The following PSMD12 variants were observed in gnomAD, a reference collection of about 807,000 sequenced individuals.
PSMD12 encodes the protein proteasome 26S subunit, non-ATPase 12, also known as 26S proteasome non-ATPase regulatory subunit 12.
Under a neutral mutation model 62.9 loss-of-function variants are expected in PSMD12, and 8 were observed. The observed-to-expected ratio is 0.13, with a 90% CI of 0.07 to 0.23. The LOEUF (loss-of-function observed/expected upper bound fraction) is 0.23. Among genes scored for constraint, PSMD12 ranks in the 10% least tolerant of loss-of-function variants. PSMD12 has a pLI of 1.00. For synonymous variants in PSMD12, 173 were observed against 187.4 expected, an observed-to-expected ratio of 0.92 and a Z score of 0.63; for missense variants, 424 against 550.2, an observed-to-expected ratio of 0.77 and a Z score of 2.29.
chr17:67,353,521 G>C (rs1044132222), intron 3 of PSMD12, among the ~76,000 whole-genome samples: 3 of 152,042 alleles, frequency 2.0e-5, no homozygotes, highest in African/African-American at 7.2e-5. Flanking sequence ...TGCCCAGGTT[G>C]GTCTTAAACT....
intron 1 of PSMD12, 88 bp from the exon 2 acceptor site, chr17:67,357,666 GAA>G: frequency 7.4e-7 from 1 of 1,358,238 alleles, no homozygotes; most frequent in South Asian, 1.2e-5. Context: ...CACAGAAAAG[GAA>G]AAATCAACAG....
At chr17:67,346,964 G>A (rs1305486033) in intron 7 of PSMD12, 152 bp downstream of exon 7, 14 of 741,534 alleles carry the variant, frequency 1.9e-5, no homozygotes, top group Middle Eastern at 4.2e-4. Context: ...GGCTGCAATT[G>A]GACTGAATCA....
intron 3 of PSMD12, among the ~76,000 whole-genome samples, chr17:67,354,797 C>A (rs1255885088): frequency 6.6e-6 from 1 of 151,764 alleles, no homozygotes; most frequent in African/African-American, 2.4e-5. Context: ...CGAGACCAAC[C>A]TGGGCAACAT....
At chr17:67,342,755 G>GGAAC (rs1481080254) in intron 9 of PSMD12, among the ~76,000 whole-genome samples, 1 of 152,040 alleles carries the variant, frequency 6.6e-6, no homozygotes, top group Non-Finnish European at 1.5e-5. Context: ...TGGGAACACA[G>GGAAC]CAAGACCCCA....
At position 67,366,494 on chromosome 17, in the gene PSMD12, G is replaced by A; in HGVS notation, c.26C>T (p.Ala9Val). Residue 9 changes from alanine to valine, a missense_variant, in exon 1 of 11, where the codon GCT (alanine) becomes GTT (valine). Coordinates refer to ENST00000356126, the MANE Select transcript of PSMD12 (RefSeq NM_002816.5). ...CTCCATCTTGACGATGCGCCCGTCAGCCCGCTCCGAGCCGCCGTCCGCCAT... is the reference window on the plus strand; with the variant it reads ...CTCCATCTTGACGATGCGCCCGTCAACCCGCTCCGAGCCGCCGTCCGCCAT... MADGGSER[A>V]DGRIVKMEVD... is the part of the protein sequence containing the mutation. 6.2e-7 allele frequency: 1 copy of A among 1,609,002 alleles called. No homozygotes were observed. Among genetic ancestry groups the A allele is most frequent in the Non-Finnish European group, 8.5e-7 (1 of 1,178,776 alleles).
chr17:67,357,164 G>A lies in PSMD12; in HGVS notation c.297+139C>T, dbSNP rs2042082733. ...AAAACAGTCATATCATTGTGAGAAT[G>A]TAGACTGAATTTTAAAACACCCTCT... On this transcript the variant is annotated intron_variant, in intron 3 of 10. Transcript: ENST00000356126. 6.8e-6 allele frequency: 6 copies of A among 884,358 alleles called. No homozygotes were observed. In the South Asian group the frequency reaches 8.6e-5, roughly 13 times the overall value. 54.8% of individuals were successfully genotyped at this position (884,358 alleles called of 1,614,324 possible). A position where few individuals can be genotyped will look rare whatever the true frequency, so the allele number is the denominator to read the frequency against.
At chr17:67,366,340 T>G (rs2042178898) in intron 1 of PSMD12, 72 bp downstream of exon 1, 1 of 1,416,696 alleles carries the variant, frequency 7.1e-7, no homozygotes, top group Admixed American at 1.9e-5. Flanking sequence ...GCAGGCCCCC[T>G]GAGGCCTAAG....
chr17:67,340,769 C>T lies in PSMD12; in HGVS notation c.*74G>A. On this transcript the variant is annotated 3_prime_UTR_variant, in exon 11 of 11. Coordinates refer to ENST00000356126, the MANE Select transcript of PSMD12 (RefSeq NM_002816.5). ...ACAAAGAAGCTTAGAAAAAAAACCC[C>T]AACATATACACCATTATAACAGTCT... 2 of 1,216,084 alleles carry T rather than the reference C, an allele frequency of 1.6e-6. No homozygotes were observed. The highest frequency in any genetic ancestry group is 2.2e-6 in the Non-Finnish European group (2 of 894,572). The allele number at this position is 1,216,084 out of a possible 1,614,324, so 75.3% of individuals were successfully genotyped here.
intron 3 of PSMD12, among the ~76,000 whole-genome samples, chr17:67,354,422 G>GA (rs2143714434): frequency 6.6e-6 from 1 of 151,250 alleles, no homozygotes; most frequent in African/African-American, 2.4e-5. Flanking sequence ...AAAAAGGGAA[G>GA]AAAAAAGTAA....
chr17:67,351,156 C>G (rs1224369633), intron 3 of PSMD12, among the ~76,000 whole-genome samples: 1 of 151,980 alleles, frequency 6.6e-6, no homozygotes, highest in African/African-American at 2.4e-5. Flanking sequence ...CTCTGGGAGG[C>G]AGAGATGGGC....
chr17:67,366,001 T>C lies in PSMD12; in HGVS notation c.108+411A>G, dbSNP rs545259197. ...TTCTCCTGGCCAAAGACCAGGCACA[T>C]AGCCATGATCCACAAACGATGTAAC... On this transcript the variant is annotated intron_variant, in intron 1 of 10. Transcript: ENST00000356126. Among the ~76,000 whole-genome samples the C allele has an allele frequency of 2.3e-3, 355 of 152,270 alleles. 1 individual carries two copies. Among genetic ancestry groups the C allele is most frequent in the African/African-American group, 8.3e-3 (344 of 41,552 alleles).
At position 67,344,776 on chromosome 17, in the gene PSMD12, G is replaced by A; in HGVS notation, c.913C>T (p.Leu305Phe). Residue 305 changes from leucine to phenylalanine, a missense_variant, in exon 9 of 11, where the codon CTT becomes TTT. Physicochemically the swap from Leu to Phe is conservative, Grantham distance 22. Transcript: ENST00000356126. ...TCCATTGTGGTAAAAAGCTTTAAAA[G>A]ATCCCTGAAAATTGTATACATCTTA... ...KLEEIPKYKD[L>F]LKLFTTMELM... is the part of the protein sequence containing the mutation. 6.3e-7 allele frequency: 1 copy of A among 1,576,422 alleles called. No individual in the cohort carries two copies. Among genetic ancestry groups the A allele is most frequent in the South Asian group, 1.2e-5 (1 of 85,282 alleles).
intron 4 of PSMD12, among the ~76,000 whole-genome samples, chr17:67,349,176 C>T (rs1463299012): frequency 1.3e-5 from 2 of 152,076 alleles, no homozygotes; most frequent in Admixed American, 6.6e-5. Context: ...TGCGCCACCA[C>T]GCCCAGCTAA....
intron 3 of PSMD12, among the ~76,000 whole-genome samples, chr17:67,353,399 TG>T (rs1442728211): frequency 6.7e-6 from 1 of 150,232 alleles, no homozygotes; most frequent in African/African-American, 2.4e-5. Context: ...TTCCGCCTCC[TG>T]GGGTTCAAGC....
intron 3 of PSMD12, 145 bp downstream of exon 3, chr17:67,357,158 G>C (rs1352425466): frequency 8.5e-6 from 7 of 822,032 alleles, no homozygotes; most frequent in Non-Finnish European, 1.2e-5. Flanking sequence ...ATATCATTGT[G>C]AGAATGTAGA....
intron 3 of PSMD12, among the ~76,000 whole-genome samples, chr17:67,355,969 T>TAC (rs59875246): frequency 0.026 from 3,838 of 145,804 alleles, 78 homozygotes; most frequent in African/African-American, 0.049. Context: ...CCCCCATTTC[T>TAC]ACACACACAC....
rs59053283 is a variant in PSMD12, at chr17:67,364,232, TA to T, written c.108+2179del. ...GTTTTATTCAGCTGGCACACTGGCT[TA>T]AAAAAAAAAATCAAAATTCAAATGT... is the stretch of plus-strand genomic sequence containing the variant. On this transcript the variant is annotated intron_variant, in intron 1 of 10. Transcript: ENST00000356126. 1.1e-4 allele frequency among the ~76,000 whole-genome samples: 16 copies of T among 148,958 alleles called. 1 individual carries two copies. Among genetic ancestry groups the T allele is most frequent in the African/African-American group, 2.2e-4 (9 of 40,564 alleles).
chr17:67,353,314 C>G (rs542843373), intron 3 of PSMD12, among the ~76,000 whole-genome samples: 5 of 151,464 alleles, frequency 3.3e-5, no homozygotes, highest in African/African-American at 4.8e-5. Flanking sequence ...TCCTTCCCCC[C>G]GCTCCCTCTC....
intron 8 of PSMD12, among the ~76,000 whole-genome samples, chr17:67,344,993 C>T (rs1487410110): frequency 6.6e-6 from 1 of 152,204 alleles, no homozygotes; most frequent in Non-Finnish European, 1.5e-5. Context: ...TAACACTCTG[C>T]TCTCTTCTGC....
Sources: gnomAD v4.1 joint callset for allele counts (sites outside exome capture counted in the v4.1 genomes callset) on GRCh38, gnomAD v4.1.1 for gene constraint, MANE v1.5 for transcripts, NCBI Gene and HGNC (gene_info 2026-07-23, HGNC 2026-07-21) for gene names.